The following NR2C2 variants were observed in gnomAD, a reference collection of about 807,000 sequenced individuals.
NR2C2 encodes nuclear receptor subfamily 2 group C member 2.
Under a neutral mutation model 62.9 loss-of-function variants are expected in NR2C2, and 6 were observed. The ratio of observed to expected loss-of-function variants is 0.10; its 90% CI spans 0.05 to 0.19. The LOEUF is 0.19. Ranked by LOEUF, NR2C2 falls within the 10% of genes least tolerant of loss-of-function variation. NR2C2 has a pLI of 1.00. For synonymous variants in NR2C2, 272 were observed against 273.8 expected (o/e 0.99, Z 0.07); for missense variants, 479 against 762.7 (o/e 0.63, Z 4.38).
chr3:14,973,726 T>C (rs2040118555), intron 1 of NR2C2, among the ~76,000 whole-genome samples: 1 of 152,202 alleles, frequency 6.6e-6, no homozygotes, highest in Non-Finnish European at 1.5e-5. Flanking sequence ...TTGTCAACAA[T>C]CATTTGACAT....
At chr3:15,018,754 C>A (rs1170399791) in intron 4 of NR2C2, among the ~76,000 whole-genome samples, 1 of 151,942 alleles carries the variant, frequency 6.6e-6, no homozygotes, top group Non-Finnish European at 1.5e-5. Context: ...CGGTGTCTCA[C>A]ATCTGTAATC....
intron 1 of NR2C2, among the ~76,000 whole-genome samples, chr3:15,000,355 T>A (rs1368346793): frequency 6.6e-5 from 10 of 152,356 alleles, no homozygotes; most frequent in Admixed American, 3.9e-4. Context: ...TTTCCTTCTT[T>A]TTAAAGGCTG....
At chr3:14,972,170 C>CTTTTT (rs2040062436) in intron 1 of NR2C2, among the ~76,000 whole-genome samples, 1 of 130,154 alleles carries the variant, frequency 7.7e-6, no homozygotes. Context: ...TTTTCTTTTT[C>CTTTTT]TTTCTTTTTT....
rs759984452 is a variant in NR2C2, at chr3:15,030,254, A to C, written c.933-21A>C. On this transcript the variant is annotated intron_variant, in intron 8 of 13. Coordinates refer to ENST00000425241, the MANE Select transcript of NR2C2 (RefSeq NM_001291694.2). Reference sequence around the variant, plus strand: ...AAAGCTGTAGATTCACAACAATTACATGCTTCATTTTTGCTCACAGGGCAT... The same window carrying C: ...AAAGCTGTAGATTCACAACAATTACCTGCTTCATTTTTGCTCACAGGGCAT... The C allele has an allele frequency of 2.5e-6, 4 of 1,600,614 alleles. No individual in the cohort carries two copies. The African/African-American group carries it at 5.4e-5, about 22-fold the overall frequency.
Position 15,030,419 on chromosome 3 carries a change from C to T in NR2C2, c.1077C>T (p.Gly359=). The T allele has an allele frequency of 6.2e-7, 1 of 1,604,332 alleles. No individual in the cohort carries two copies. Among genetic ancestry groups the T allele is most frequent in the Non-Finnish European group, 8.5e-7 (1 of 1,177,060 alleles). ...DQSTPIIEVE[G]PLLSDTHVTF... is the part of the protein sequence containing the mutation. The stretch of plus-strand genomic sequence containing the variant: ...CGACACCCATCATTGAGGTTGAAGG[C>T]CCCCTCCTTTCAGACACACACGTCA... Residue 359 remains glycine (G), a synonymous_variant, in exon 9 of 14, where the codon GGC becomes GGT. Coordinates refer to ENST00000425241, the MANE Select transcript of NR2C2 (RefSeq NM_001291694.2).
intron 1 of NR2C2, among the ~76,000 whole-genome samples, chr3:14,962,075 G>A (rs745589511): frequency 5.9e-5 from 9 of 152,222 alleles, no homozygotes; most frequent in Admixed American, 1.3e-4. Context: ...ACTGTGACAG[G>A]GAACTATCCA....
At chr3:14,948,306 T>C (rs1407732178) in intron 1 of NR2C2, 1 of 152,446 alleles carries the variant, frequency 6.6e-6, no homozygotes, top group Non-Finnish European at 1.5e-5. Context: ...GCCGGGATTT[T>C]CACCCCTCCG....
intron 1 of NR2C2, among the ~76,000 whole-genome samples, chr3:14,949,134 C>T (rs1574910846): frequency 6.6e-6 from 1 of 152,222 alleles, no homozygotes; most frequent in East Asian, 1.9e-4. Flanking sequence ...GGGGACACAT[C>T]TGGAGAACCA....
At chr3:15,035,137 C>G (rs990078586) in intron 11 of NR2C2, among the ~76,000 whole-genome samples, 3 of 152,014 alleles carry the variant, frequency 2.0e-5, no homozygotes, top group Non-Finnish European at 2.9e-5. Context: ...ACAAAAAGTA[C>G]AAGAAATTAG....
At position 14,957,139 on chromosome 3, in the gene NR2C2, T is replaced by C. The variant is rs190259185; in HGVS notation, c.-40+9233T>C. Among the ~76,000 whole-genome samples, 5 of 152,366 alleles carry C rather than the reference T, an allele frequency of 3.3e-5. No individual in the cohort carries two copies. The East Asian group carries it at 9.6e-4, about 29-fold the overall frequency. On this transcript the variant is annotated intron_variant, in intron 1 of 13. Transcript: ENST00000425241. ...AGCCTCAGAACCCAATATAGTTGTT[T>C]AGCTAAGGAAATACCAAGACAGTAG...
At chr3:15,029,826 T>TAGATAGATTAA (rs1559303966) in intron 8 of NR2C2, among the ~76,000 whole-genome samples, 5 of 125,108 alleles carry the variant, frequency 4.0e-5, no homozygotes, top group Admixed American at 3.2e-4. Flanking sequence ...GATAGATAGA[T>TAGATAGATTAA]AGATAGATAG....
At chr3:14,972,719 G>A (rs1420666034) in intron 1 of NR2C2, among the ~76,000 whole-genome samples, 4 of 152,168 alleles carry the variant, frequency 2.6e-5, no homozygotes, top group Admixed American at 2.6e-4. Context: ...GGTTCCACAG[G>A]CTGTACAGAG....
intron 1 of NR2C2, among the ~76,000 whole-genome samples, chr3:14,990,764 C>G (rs1176244251): frequency 6.6e-6 from 1 of 152,174 alleles, no homozygotes; most frequent in Non-Finnish European, 1.5e-5. Flanking sequence ...GGGGGAGAAG[C>G]CTTGTAATGC....
intron 4 of NR2C2, among the ~76,000 whole-genome samples, chr3:15,019,871 A>G (rs988551627): frequency 9.9e-5 from 15 of 152,210 alleles, no homozygotes; most frequent in Non-Finnish European, 1.3e-4. Flanking sequence ...ACAATAAGGT[A>G]TTATATATTA....
rs2042360647 is a variant in NR2C2 at position 15,043,945 on chromosome 3, T to G, written c.*937T>G. Reference sequence around the variant, plus strand: ...CAGATGGAGCCTTGTGACCAAAAAGTGCAAGGTGGGCATTTTGAGCTCTTG... The same window carrying G: ...CAGATGGAGCCTTGTGACCAAAAAGGGCAAGGTGGGCATTTTGAGCTCTTG... On this transcript the variant is annotated 3_prime_UTR_variant, in exon 14 of 14. Coordinates refer to ENST00000425241, the MANE Select transcript of NR2C2 (RefSeq NM_001291694.2). The G allele has an allele frequency of 1.3e-5, 2 of 152,318 alleles. No homozygotes were observed. The highest frequency in any genetic ancestry group is 6.5e-5 in the Admixed American group (1 of 15,306). 9.4% of individuals were successfully genotyped at this position (152,318 alleles called of 1,614,324 possible). A position where few individuals can be genotyped will look rare whatever the true frequency, so the allele number is the denominator to read the frequency against.
At chr3:14,980,262 C>T (rs1041478019) in intron 1 of NR2C2, among the ~76,000 whole-genome samples, 5 of 151,652 alleles carry the variant, frequency 3.3e-5, no homozygotes, top group African/African-American at 4.9e-5. Context: ...GCAGTCCTCC[C>T]GCCTCAGCCT....
chr3:15,031,990 A>G (rs1023718469), intron 9 of NR2C2, among the ~76,000 whole-genome samples: 4 of 151,906 alleles, frequency 2.6e-5, no homozygotes, highest in African/African-American at 9.7e-5. Flanking sequence ...CAGCCTCCCA[A>G]AGTGCTGGGA....
intron 11 of NR2C2, among the ~76,000 whole-genome samples, chr3:15,035,287 T>A (rs1426396804): frequency 6.6e-6 from 1 of 152,168 alleles, no homozygotes. Flanking sequence ...CAAGATCCCA[T>A]CTCAATGAAT....
rs865972343 is a variant in NR2C2, at chr3:15,032,381, A to G, written c.1113A>G (p.Leu371=). The G allele has an allele frequency of 3.1e-6, 5 of 1,614,172 alleles. No homozygotes were observed. In the Middle Eastern group the frequency reaches 6.6e-4, roughly 213 times the overall value. ...LLSDTHVTFK[L]TMPSPMPEYL... is the part of the protein sequence containing the mutation. ...GCCATGTGCCTCCTCTTTTCCAGCT[A>G]ACAATGCCCAGTCCAATGCCAGAGT... The change falls in exon 10 of 14, where the codon CTA becomes CTG. Residue 371 remains leucine (L), a splice_region_variant and synonymous_variant. Coordinates refer to ENST00000425241, the MANE Select transcript of NR2C2 (RefSeq NM_001291694.2).
Sources: allele counts gnomAD v4.1 joint callset (sites outside exome capture counted in the v4.1 genomes callset), GRCh38; gene constraint gnomAD v4.1.1; transcripts MANE v1.5; gene names NCBI Gene and HGNC (gene_info 2026-07-23, HGNC 2026-07-21).